MMP25: variants seen among roughly 807,000 people sequenced by gnomAD.
MMP25 encodes matrix metalloproteinase-25.
Under a neutral mutation model 62.1 loss-of-function variants are expected in MMP25, and 68 were observed. That is an observed-to-expected ratio of 1.10 (90% CI 0.90 to 1.34). MMP25 has a LOEUF of 1.34. Among genes scored for constraint, MMP25 ranks in the 40% most tolerant of loss-of-function variants. The probability of loss-of-function intolerance (pLI) is 0.00; values close to 1 mark genes in which losing one functional copy is unlikely to be tolerated. For synonymous variants in MMP25, 407 were observed against 345.6 expected, an observed-to-expected ratio of 1.18 and a Z score of -1.97; for missense variants, 942 against 792.5, an observed-to-expected ratio of 1.19 and a Z score of -2.26.
chr16:3,052,688 GGGA>G, intron 4 of MMP25: 4 of 154,324 alleles, frequency 2.6e-5, no homozygotes, highest in Non-Finnish European at 2.9e-5. Context: ...GTGTGAGAGT[GGGA>G]GGAGGAGGAG....
At chr16:3,048,252 G>A (rs1449479267) in intron 2 of MMP25, among the ~76,000 whole-genome samples, 1 of 152,186 alleles carries the variant, frequency 6.6e-6, no homozygotes, top group Non-Finnish European at 1.5e-5. Flanking sequence ...AGGCTGCAGT[G>A]AGCTATGATT....
Position 3,050,301 on chromosome 16 carries a change from G to A in MMP25, c.416G>A (p.Arg139Gln), listed in dbSNP as rs376047713. ...TCCCAGCTGAGCCAGGAGACCGTGCGGGTCCTCATGAGCTATGCCCTGATG... is the reference window on the plus strand; with the variant it reads ...TCCCAGCTGAGCCAGGAGACCGTGCAGGTCCTCATGAGCTATGCCCTGATG... Reference protein sequence around the residue: ...QSSQLSQETVRVLMSYALMAW... With the variant: ...QSSQLSQETVQVLMSYALMAW... Residue 139 changes from arginine (R) to glutamine (Q), a missense_variant, in exon 4 of 10, where the codon CGG becomes CAG. By Grantham distance (43) the Arg-to-Gln change is conservative. Coordinates refer to ENST00000336577, the MANE Select transcript of MMP25 (RefSeq NM_022468.5). The A allele has an allele frequency of 2.9e-5, 46 of 1,612,456 alleles. No individual in the cohort carries two copies. The highest frequency in any genetic ancestry group is 4.0e-5 in the African/African-American group (3 of 74,898).
intron 1 of MMP25, 121 bp from the exon 2 acceptor site, chr16:3,047,294 C>T (rs879734): frequency 0.33 from 477,250 of 1,430,308 alleles, 81,497 homozygotes; most frequent in Admixed American, 0.39. Flanking sequence ...AGGCAGGCAT[C>T]CGGGGCTGGG....
At chr16:3,047,838 ATTT>A (rs34310361) in intron 2 of MMP25, among the ~76,000 whole-genome samples, 39 of 134,956 alleles carry the variant, frequency 2.9e-4, no homozygotes, top group African/African-American at 5.7e-4. Flanking sequence ...CTCTCCAAGG[ATTT>A]TTTTTTTTTT....
chr16:3,047,329 G>A (rs1955834719), intron 1 of MMP25, 86 bp from the exon 2 acceptor site: 2 of 1,517,874 alleles, frequency 1.3e-6, no homozygotes, highest in Middle Eastern at 1.9e-4. Flanking sequence ...GTGCCTGGGA[G>A]GGGCAGGGCT....
Position 3,058,591 on chromosome 16 carries a change from G to C in MMP25, c.1339G>C (p.Asp447His). 1 of 1,607,796 alleles carries C rather than the reference G, an allele frequency of 6.2e-7. No individual in the cohort carries two copies. ...WRYDEAAARP[D>H]PGYPRDLSLW... Reference sequence around the variant, plus strand: ...CTACGACGAGGCGGCGGCGCGCCCGGACCCCGGCTACCCTCGCGACCTGAG... The same window carrying C: ...CTACGACGAGGCGGCGGCGCGCCCGCACCCCGGCTACCCTCGCGACCTGAG... Residue 447 changes from aspartate (D) to histidine (H), a missense_variant, in exon 9 of 10, where the codon GAC becomes CAC. By Grantham distance (81) the Asp-to-His change is moderately conservative (BLOSUM62 -1). Transcript: ENST00000336577.
intron 4 of MMP25, chr16:3,053,132 T>G (rs1384017927): frequency 6.6e-6 from 1 of 152,284 alleles, no homozygotes; most frequent in South Asian, 2.1e-4. Context: ...TGTGGAGGGC[T>G]TGGTAAGGCA....
intron 4 of MMP25, chr16:3,051,426 C>T (rs1168478282): frequency 6.6e-6 from 1 of 152,448 alleles, no homozygotes; most frequent in Non-Finnish European, 1.5e-5. Context: ...TGCCCCCACC[C>T]CACCCCCAGC....
rs1955838245 is a variant in MMP25, at chr16:3,047,544, A to G, written c.229A>G (p.Met77Val). The change falls in exon 2 of 10, where the codon ATG becomes GTG. Residue 77 changes from methionine to valine, a missense_variant. Met to Val is a conservative substitution (Grantham distance 21). Coordinates refer to ENST00000336577, the MANE Select transcript of MMP25 (RefSeq NM_022468.5). ...CGCGGGGCTGCCGGAGACCGGCCGCATGGGTAGGTGGCCCCCACCCCTCCC... is the reference window on the plus strand; with the variant it reads ...CGCGGGGCTGCCGGAGACCGGCCGCGTGGGTAGGTGGCCCCCACCCCTCCC... ...RFAGLPETGR[M>V]DPGTVATMRK... 3 of 1,612,558 alleles carry G rather than the reference A, an allele frequency of 1.9e-6. No homozygotes were observed. Among genetic ancestry groups the G allele is most frequent in the African/African-American group, 1.3e-5 (1 of 74,864 alleles).
Position 3,046,785 on chromosome 16 carries a change from C to G in MMP25, c.-133C>G. 2.1e-6 allele frequency: 1 copy of G among 485,150 alleles called. No individual in the cohort carries two copies. The highest frequency in any genetic ancestry group is 3.5e-6 in the Non-Finnish European group (1 of 282,874). 30.1% of individuals were successfully genotyped at this position (485,150 alleles called of 1,614,324 possible). A position where few individuals can be genotyped will look rare whatever the true frequency, so the allele number is the denominator to read the frequency against. On this transcript the variant is annotated 5_prime_UTR_variant, in exon 1 of 10. Coordinates refer to ENST00000336577, the MANE Select transcript of MMP25 (RefSeq NM_022468.5). ...GACCCCCACACACATCCCAGCCCTC[C>G]GGCCGATCCCTCCCTACTCGGTGCC...
intron 4 of MMP25, chr16:3,056,705 A>C: frequency 3.7e-6 from 1 of 270,854 alleles, no homozygotes; most frequent in Non-Finnish European, 7.0e-6. Flanking sequence ...ATGAGCCACC[A>C]CACCCAGCTC....
intron 2 of MMP25, among the ~76,000 whole-genome samples, chr16:3,048,805 A>AT (rs558334268): frequency 0.015 from 2,085 of 140,160 alleles, 16 homozygotes; most frequent in African/African-American, 0.026. Flanking sequence ...ATGACTTGCA[A>AT]TTTTTTTTTT....
rs755749655 is a variant in MMP25, at chr16:3,050,146, T to C, written c.368+2T>C. On this transcript the variant is annotated splice_donor_variant, in intron 3 of 9. Transcript: ENST00000336577. LOFTEE classifies it high-confidence loss of function. ...GAAGAAGCGAACCCTGACATGGAGG[T>C]AGGTCCTGGGGCCCACCCGCACCCT... The C allele has an allele frequency of 1.2e-6, 2 of 1,604,258 alleles. No homozygotes were observed. The highest frequency in any genetic ancestry group is 2.7e-5 in the African/African-American group (2 of 74,732).
chr16:3,058,241 T>A lies in MMP25; in HGVS notation c.1067T>A (p.Leu356Gln), dbSNP rs758456987. The A allele has an allele frequency of 6.2e-7, 1 of 1,611,880 alleles. No individual in the cohort carries two copies. Among genetic ancestry groups the A allele is most frequent in the Non-Finnish European group, 8.5e-7 (1 of 1,179,246 alleles). Reference protein sequence around the residue: ...GQLVSPRPARLHRFWEGLPAQ... With the variant: ...GQLVSPRPARQHRFWEGLPAQ... ...CTGGTGTCCCCGCGACCCGCACGGC[T>A]GCACCGCTTCTGGGAGGGGCTGCCC... Residue 356 changes from leucine (L) to glutamine (Q), a missense_variant, in exon 8 of 10, where the codon CTG becomes CAG. By Grantham distance (113) the Leu-to-Gln change is moderately radical. Coordinates refer to ENST00000336577, the MANE Select transcript of MMP25 (RefSeq NM_022468.5).
intron 7 of MMP25, 140 bp downstream of exon 7, chr16:3,057,753 C>G (rs772386747): frequency 5.1e-6 from 4 of 782,106 alleles, no homozygotes; most frequent in Non-Finnish European, 8.8e-6. Context: ...GGCCGCAGTG[C>G]AGTGGTGTGA....
chr16:3,047,845 T>C (rs997884467), intron 2 of MMP25, among the ~76,000 whole-genome samples: 20 of 151,626 alleles, frequency 1.3e-4, no homozygotes, highest in African/African-American at 4.4e-4. Flanking sequence ...AGGATTTTTT[T>C]TTTTTTTTTT....
At chr16:3,049,433 C>T (rs1222331608) in intron 2 of MMP25, among the ~76,000 whole-genome samples, 1 of 152,126 alleles carries the variant, frequency 6.6e-6, no homozygotes, top group Non-Finnish European at 1.5e-5. Context: ...CACTATTTGC[C>T]GCCTCAATAA....
rs374797521 is a variant in MMP25 at position 3,057,185 on chromosome 16, C to T, written c.814C>T (p.Arg272Cys). The T allele has an allele frequency of 5.0e-6, 8 of 1,612,320 alleles. No homozygotes were observed. The highest frequency in any genetic ancestry group is 2.2e-5 in the East Asian group (1 of 44,878). ...CAAGTACCGCCTGTCTCAGGATGACCGCGATGGCCTGCAGCAACTCTATGG... is the reference window on the plus strand; with the variant it reads ...CAAGTACCGCCTGTCTCAGGATGACTGCGATGGCCTGCAGCAACTCTATGG... ...PDKYRLSQDD[R>C]DGLQQLYGKA... The change falls in exon 5 of 10, where the codon CGC becomes TGC. Residue 272 changes from arginine (R) to cysteine (C), a missense_variant. By Grantham distance (180) the Arg-to-Cys change is radical. Transcript: ENST00000336577.
At position 3,059,703 on chromosome 16, in the gene MMP25, G is replaced by GCC. The variant is rs1956082654; in HGVS notation, c.*610_*611dup. 1 of 152,524 alleles carries GCC rather than the reference G, an allele frequency of 6.6e-6. No homozygotes were observed. Among genetic ancestry groups the GCC allele is most frequent in the Non-Finnish European group, 1.5e-5 (1 of 68,384 alleles). 9.4% of individuals were successfully genotyped at this position (152,524 alleles called of 1,614,324 possible). A position where few individuals can be genotyped will look rare whatever the true frequency, so the allele number is the denominator to read the frequency against. ...TCTCACCCCGTTCTGCTCCCACAAG[G>GCC]CCCCCCTACAGTCACTGCCACACTG... On this transcript the variant is annotated 3_prime_UTR_variant, in exon 10 of 10. Coordinates refer to ENST00000336577, the MANE Select transcript of MMP25 (RefSeq NM_022468.5).
Sources: allele counts gnomAD v4.1 joint callset (sites outside exome capture counted in the v4.1 genomes callset), GRCh38; gene constraint gnomAD v4.1.1; transcripts MANE v1.5; gene names NCBI Gene and HGNC (gene_info 2026-07-23, HGNC 2026-07-21).